The following TMEM114 variants were observed in gnomAD, a reference collection of about 807,000 sequenced individuals.
The protein encoded by TMEM114 is transmembrane protein 114.
In TMEM114, 6 loss-of-function variants were observed where a neutral mutation model predicts 6.2. That is an observed-to-expected ratio of 0.97 (90% CI 0.53 to 1.91). The LOEUF (loss-of-function observed/expected upper bound fraction) is 1.91. Ranked by LOEUF, TMEM114 falls within the 40% of genes most tolerant of loss-of-function variation. The pLI is 0.01. For missense variants in TMEM114, 218 were observed against 158.3 expected (o/e 1.38, Z -2.02); for synonymous variants, 104 against 73.0 (o/e 1.42, Z -2.16).
At chr16:8,581,796 A>G (rs577716790) in intron 2 of TMEM114, among the ~76,000 whole-genome samples, 1 of 152,346 alleles carries the variant, frequency 6.6e-6, no homozygotes, top group South Asian at 2.1e-4. Context: ...TTAGTTTAAA[A>G]TGTGGCCTTT....
downstream of TMEM114, among the ~76,000 whole-genome samples, chr16:8,565,420 A>G (rs1901507973): frequency 6.6e-6 from 1 of 152,188 alleles, no homozygotes; most frequent in Non-Finnish European, 1.5e-5. Flanking sequence ...TCTGAGAGAA[A>G]GAGAGCGGCC....
At chr16:8,583,617 G>A (rs1011590100) in intron 2 of TMEM114, among the ~76,000 whole-genome samples, 3 of 152,028 alleles carry the variant, frequency 2.0e-5, no homozygotes, top group Non-Finnish European at 4.4e-5. Context: ...GTGTAATGGT[G>A]CACATCTGTG....
At chr16:8,589,034 T>C (rs1000848479) in intron 2 of TMEM114, among the ~76,000 whole-genome samples, 179 bp downstream of exon 2, 1 of 152,028 alleles carries the variant, frequency 6.6e-6, no homozygotes, top group African/African-American at 2.4e-5. Flanking sequence ...ACGTTACAGG[T>C]GGATCAGGAG....
intron 2 of TMEM114, among the ~76,000 whole-genome samples, chr16:8,539,869 A>G (rs1900468403): frequency 6.6e-6 from 1 of 152,112 alleles, no homozygotes; most frequent in African/African-American, 2.4e-5. Context: ...CCAGGCTGGA[A>G]TGCAGTGAAA....
At chr16:8,585,399 T>C (rs1902287214) in intron 2 of TMEM114, among the ~76,000 whole-genome samples, 1 of 152,016 alleles carries the variant, frequency 6.6e-6, no homozygotes, top group Non-Finnish European at 1.5e-5. Context: ...GGTCTCTCTG[T>C]GAGGGTTTTC....
At chr16:8,588,286 CAA>C (rs1192746678) in intron 2 of TMEM114, among the ~76,000 whole-genome samples, 9,651 of 134,392 alleles carry the variant, frequency 0.072, 384 homozygotes, top group African/African-American at 0.11. Context: ...GACCCTGTCT[CAA>C]AAAAAAAAAA....
At chr16:8,558,388 C>A (rs148839470) in intron 2 of TMEM114, among the ~76,000 whole-genome samples, 2 of 152,314 alleles carry the variant, frequency 1.3e-5, no homozygotes, top group African/African-American at 4.8e-5. Context: ...GTGGCAGCAT[C>A]TCTCCAACCC....
chr16:8,563,747 C>T lies in TMEM114; in HGVS notation n.212+25466G>A, dbSNP rs570901267. On this transcript the variant is annotated intron_variant and non_coding_transcript_variant, in intron 2 of 2. Transcript: ENST00000623677. ...TGAGTCAGTGAGTGAATGAATGAGT[C>T]AGTGAATAAGTGAGGGAATGAGTGA... Among the ~76,000 whole-genome samples, 102 of 104,200 alleles carry T rather than the reference C, an allele frequency of 9.8e-4. 4 individuals carry two copies. The highest frequency in any genetic ancestry group is 4.4e-3 in the Admixed American group (44 of 10,002). 68.4% of individuals were successfully genotyped at this position (104,200 alleles called of 152,430 possible).
At chr16:8,551,882 A>G (rs1900854906) in intron 2 of TMEM114, among the ~76,000 whole-genome samples, 1 of 152,220 alleles carries the variant, frequency 6.6e-6, no homozygotes, top group Admixed American at 6.5e-5. Context: ...ACTATACTAC[A>G]TCAGAACCAT....
downstream of TMEM114, among the ~76,000 whole-genome samples, chr16:8,535,605 T>C (rs1900332380): frequency 2.0e-5 from 3 of 152,230 alleles, no homozygotes; most frequent in South Asian, 4.1e-4. Context: ...AATATATCAT[T>C]TGTCAAGGAA....
chr16:8,552,150 G>A lies in TMEM114; in HGVS notation n.213-14324C>T, dbSNP rs180807907. Among the ~76,000 whole-genome samples, 197 of 151,960 alleles carry A rather than the reference G, an allele frequency of 1.3e-3. 1 individual carries two copies. The highest frequency in any genetic ancestry group is 4.5e-3 in the African/African-American group (188 of 41,412). The stretch of plus-strand genomic sequence containing the variant: ...AGCACTTTGGGAGGCTGAAGCAAGA[G>A]GATCACTTGAAGCCAGGAATTTGAG... On this transcript the variant is annotated intron_variant and non_coding_transcript_variant, in intron 2 of 2. Transcript: ENST00000623677.
rs543691941 is a variant in TMEM114, at chr16:8,575,812, G to C, written c.302-3588C>G. Among the ~76,000 whole-genome samples the C allele has an allele frequency of 2.0e-5, 3 of 152,242 alleles. No homozygotes were observed. In the South Asian group the frequency reaches 6.2e-4, roughly 32 times the overall value. Reference sequence around the variant, plus strand: ...TGTTATTGTTTCTCAGCTTGGTATTGGGCTATCTAAATGAAATAATATGCA... The same window carrying C: ...TGTTATTGTTTCTCAGCTTGGTATTCGGCTATCTAAATGAAATAATATGCA... On this transcript the variant is annotated intron_variant, in intron 2 of 3. Transcript: ENST00000620492.
At chr16:8,561,630 T>TG (rs1901202758) in intron 2 of TMEM114, among the ~76,000 whole-genome samples, 1 of 152,190 alleles carries the variant, frequency 6.6e-6, no homozygotes, top group Non-Finnish European at 1.5e-5. Context: ...AATGAATGAA[T>TG]AACTATATGA....
chr16:8,558,646 C>T (rs1340566704), intron 2 of TMEM114, among the ~76,000 whole-genome samples: 2 of 152,176 alleles, frequency 1.3e-5, no homozygotes, highest in African/African-American at 4.8e-5. Flanking sequence ...CCTATTTAGG[C>T]AAGCAACTAC....
At chr16:8,575,937 T>A (rs1330156113) in intron 2 of TMEM114, among the ~76,000 whole-genome samples, 2 of 152,168 alleles carry the variant, frequency 1.3e-5, no homozygotes, top group Non-Finnish European at 2.9e-5. Flanking sequence ...AACAAGCCTC[T>A]AATGAACTCC....
At chr16:8,551,109 G>T (rs993960238) in intron 2 of TMEM114, among the ~76,000 whole-genome samples, 1 of 152,148 alleles carries the variant, frequency 6.6e-6, no homozygotes, top group African/African-American at 2.4e-5. Context: ...AACGTGCTGC[G>T]GTCTCTGGCA....
the TMEM114 span, among the ~76,000 whole-genome samples, chr16:8,529,403 G>T: frequency 6.6e-6 from 1 of 152,206 alleles, no homozygotes; most frequent in Non-Finnish European, 1.5e-5. Flanking sequence ...CTTGTCGCTG[G>T]AAGCAGCAAA....
intron 2 of TMEM114, among the ~76,000 whole-genome samples, chr16:8,587,384 C>T (rs1285652590): frequency 1.3e-5 from 2 of 152,162 alleles, no homozygotes; most frequent in African/African-American, 4.8e-5. Context: ...GGTCCTTGTC[C>T]CCATGGAGCT....
downstream of TMEM114, among the ~76,000 whole-genome samples, chr16:8,565,541 C>T (rs1279369812): frequency 6.6e-6 from 1 of 152,148 alleles, no homozygotes; most frequent in African/African-American, 2.4e-5. Context: ...TCCTGTTTAC[C>T]TTCTCATGAG....
Sources: allele counts gnomAD v4.1 joint callset (sites outside exome capture counted in the v4.1 genomes callset), GRCh38; gene constraint gnomAD v4.1.1; transcripts MANE v1.5; gene names NCBI Gene and HGNC (gene_info 2026-07-23, HGNC 2026-07-21).